CREB5: variants seen among roughly 807,000 people sequenced by gnomAD.
The protein encoded by CREB5 is cyclic AMP-responsive element-binding protein 5.
A neutral mutation model predicts 57.1 loss-of-function variants in CREB5; 19 were observed. The ratio of observed to expected loss-of-function variants is 0.33; its 90% CI spans 0.23 to 0.49. CREB5 has a LOEUF of 0.49. Among genes scored for constraint, CREB5 ranks in the 20% least tolerant of loss-of-function variants. CREB5 has a pLI of 0.99. For missense variants in CREB5, 579 were observed against 671.6 expected (o/e 0.86, Z 1.52); for synonymous variants, 238 against 238.3 (o/e 1.00, Z 0.01).
At chr7:28,499,346 C>T (rs1792182725) in intron 3 of CREB5, among the ~76,000 whole-genome samples, 1 of 152,090 alleles carries the variant, frequency 6.6e-6, no homozygotes, top group Non-Finnish European at 1.5e-5. Context: ...CAAGTTCAGT[C>T]TTTACTGTGG....
chr7:28,329,804 T>C (rs1307015959), intron 1 of CREB5, among the ~76,000 whole-genome samples: 1 of 152,258 alleles, frequency 6.6e-6, no homozygotes, highest in Non-Finnish European at 1.5e-5. Context: ...ATGAATTCTC[T>C]GTTGTTAATA....
In CREB5 at chr7:28,665,628, GT is replaced by G. The variant is rs1799794084; in HGVS notation, c.465-53124del. Among the ~76,000 whole-genome samples, 5 of 152,202 alleles carry G rather than the reference GT, an allele frequency of 3.3e-5. No homozygotes were observed. The South Asian group carries it at 8.3e-4, about 25-fold the overall frequency. On this transcript the variant is annotated intron_variant, in intron 5 of 10. Transcript: ENST00000357727. ...CAAGATTATCCATTTTTTTCTTTTG[GT>G]AAGAAAGAGGAATTTGGCAGGATAT...
intron 5 of CREB5, among the ~76,000 whole-genome samples, chr7:28,628,766 T>A (rs1341979987): frequency 6.6e-6 from 1 of 152,146 alleles, no homozygotes; most frequent in Non-Finnish European, 1.5e-5. Flanking sequence ...TTATAGACAT[T>A]TCCTCTGCTG....
Position 28,543,969 on chromosome 7 carries a change from T to C in CREB5, c.292-26396T>C, listed in dbSNP as rs1033486061. On this transcript the variant is annotated intron_variant, in intron 4 of 10. Coordinates refer to ENST00000357727, the MANE Select transcript of CREB5 (RefSeq NM_182898.4). Reference sequence around the variant, plus strand: ...CTATCTCGTATGAGTGCCATGAGCATTAAATGAGATGATTATTTTTGCCTC... The same window carrying C: ...CTATCTCGTATGAGTGCCATGAGCACTAAATGAGATGATTATTTTTGCCTC... Among the ~76,000 whole-genome samples, 5 of 149,956 alleles carry C rather than the reference T, an allele frequency of 3.3e-5. No homozygotes were observed. In the Admixed American group the frequency reaches 3.4e-4, roughly 10 times the overall value.
At chr7:28,560,955 T>C (rs112663755) in intron 4 of CREB5, among the ~76,000 whole-genome samples, 6,954 of 21,788 alleles carry the variant, frequency 0.32, 1,674 homozygotes, top group Middle Eastern at 0.43. Flanking sequence ...TGTGTGCGTG[T>C]GTGTGCGTGT....
At chr7:28,438,479 A>G (rs1394694269) in intron 1 of CREB5, among the ~76,000 whole-genome samples, 1 of 152,014 alleles carries the variant, frequency 6.6e-6, no homozygotes, top group Non-Finnish European at 1.5e-5. Context: ...TTTCTACCTG[A>G]TAAGTATTGA....
At chr7:28,480,478 C>A (rs1791278641) in intron 1 of CREB5, among the ~76,000 whole-genome samples, 1 of 152,150 alleles carries the variant, frequency 6.6e-6, no homozygotes, top group African/African-American at 2.4e-5. Context: ...TAAACCTTGG[C>A]TATGTTTTGT....
intron 4 of CREB5, among the ~76,000 whole-genome samples, chr7:28,545,317 G>C (rs895358480): frequency 6.6e-6 from 1 of 152,178 alleles, no homozygotes; most frequent in African/African-American, 2.4e-5. Flanking sequence ...GGAACTTGGG[G>C]ATCGCATATC....
At chr7:28,802,989 C>T (rs1308729728) in intron 7 of CREB5, among the ~76,000 whole-genome samples, 1 of 152,188 alleles carries the variant, frequency 6.6e-6, no homozygotes. Context: ...GCTTTTGCAC[C>T]ACAGTATCAG....
At chr7:28,612,543 GGTGTGTGTGTGTGTGTGTGTGTGTGTGT>G (rs59074697) in intron 5 of CREB5, among the ~76,000 whole-genome samples, 3 of 137,298 alleles carry the variant, frequency 2.2e-5, no homozygotes, top group Non-Finnish European at 3.1e-5. Context: ...TTAGAGAAGG[GGTGTGTGTGTGTGTGTGTGTGTGTGTGT>G]GTGTGTGTGT....
rs1040037668 is a variant in CREB5 at position 28,418,906 on chromosome 7, C to T, written c.3+5989C>T. Among the ~76,000 whole-genome samples, 6 of 152,260 alleles carry T rather than the reference C, an allele frequency of 3.9e-5. No homozygotes were observed. In the East Asian group the frequency reaches 5.8e-4, roughly 15 times the overall value. On this transcript the variant is annotated intron_variant, in intron 1 of 10. Transcript: ENST00000357727. ...GATTTTCCAATTGCTTGTACTATTG[C>T]GCTTGTCTTTGTATTTATAAATAAC...
rs1337065635 is a variant in CREB5 at position 28,306,541 on chromosome 7, GTTTTGTTTT to G, written c.-25+7114_-25+7122del. Among the ~76,000 whole-genome samples, 111 of 44,330 alleles carry G rather than the reference GTTTTGTTTT, an allele frequency of 2.5e-3. 3 individuals carry two copies. The highest frequency in any genetic ancestry group is 4.9e-3 in the African/African-American group (63 of 12,888). 29.1% of individuals were successfully genotyped at this position (44,330 alleles called of 152,430 possible). A position where few individuals can be genotyped will look rare whatever the true frequency, so the allele number is the denominator to read the frequency against. On this transcript the variant is annotated intron_variant, in intron 1 of 9. Coordinates refer to the CREB5 transcript ENST00000396299. The stretch of plus-strand genomic sequence containing the variant: ...ACTGGTGCCAGTACATACAGATACA[GTTTTGTTTT>G]TTTTGTTTTTTTTTTTTTTTTTTTT...
At chr7:28,801,599 T>C (rs1458735566) in intron 7 of CREB5, among the ~76,000 whole-genome samples, 1 of 152,222 alleles carries the variant, frequency 6.6e-6, no homozygotes, top group Non-Finnish European at 1.5e-5. Flanking sequence ...AGTTATTCTT[T>C]CATCTCTCCA....
At chr7:28,636,081 C>A (rs41308) in intron 5 of CREB5, among the ~76,000 whole-genome samples, 1 of 152,214 alleles carries the variant, frequency 6.6e-6, no homozygotes, top group East Asian at 1.9e-4. Context: ...ATTTCCTCTT[C>A]GAGTTCTTTT....
intron 5 of CREB5, among the ~76,000 whole-genome samples, chr7:28,580,788 C>T (rs1001345103): frequency 6.6e-6 from 1 of 152,060 alleles, no homozygotes; most frequent in Admixed American, 6.5e-5. Context: ...AAAGGAGCCA[C>T]AGAACACAAA....
At chr7:28,659,646 C>CA (rs538586818) in intron 5 of CREB5, among the ~76,000 whole-genome samples, 81 of 151,978 alleles carry the variant, frequency 5.3e-4, no homozygotes, top group African/African-American at 1.9e-3. Flanking sequence ...TTTAAACATA[C>CA]AAAAAAACTG....
At chr7:28,502,039 T>G (rs1792294685) in intron 3 of CREB5, among the ~76,000 whole-genome samples, 1 of 152,018 alleles carries the variant, frequency 6.6e-6, no homozygotes, top group Admixed American at 6.6e-5. Context: ...CCAGGATGGT[T>G]TTTAAGCATT....
chr7:28,785,118 T>C (rs867431585), intron 7 of CREB5, among the ~76,000 whole-genome samples: 6 of 152,192 alleles, frequency 3.9e-5, no homozygotes, highest in African/African-American at 9.7e-5. Context: ...TTTCTCCAAG[T>C]TGGAAAAATA....
intron 1 of CREB5, among the ~76,000 whole-genome samples, chr7:28,390,369 C>T (rs888002271): frequency 6.6e-6 from 1 of 152,174 alleles, no homozygotes; most frequent in African/African-American, 2.4e-5. Flanking sequence ...CAAACCTTCA[C>T]AGAAAACATT....
Sources: gnomAD v4.1 joint callset for allele counts (sites outside exome capture counted in the v4.1 genomes callset) on GRCh38, gnomAD v4.1.1 for gene constraint, MANE v1.5 for transcripts, NCBI Gene and HGNC (gene_info 2026-07-23, HGNC 2026-07-21) for gene names.